Variants in TOPBP1 observed in about 807,000 individuals in gnomAD.
TOPBP1 encodes DNA topoisomerase II binding protein 1.
TOPBP1 carries 28 observed loss-of-function variants against 167.7 expected under a neutral mutation model. That is an observed-to-expected ratio of 0.17 (90% confidence interval 0.12 to 0.23). The LOEUF is 0.23. TOPBP1 is among the 10% of genes least tolerant of loss of function. The pLI is 1.00. For synonymous variants in TOPBP1, 598 were observed against 611.4 expected, an observed-to-expected ratio of 0.98 and a Z score of 0.32; for missense variants, 1,554 against 1,809.6, an observed-to-expected ratio of 0.86 and a Z score of 2.56.
At chr3:133,656,506 T>C (rs1312509384) in intron 5 of TOPBP1, among the ~76,000 whole-genome samples, 170 bp downstream of exon 5, 1 of 152,230 alleles carries the variant, frequency 6.6e-6, no homozygotes, top group Non-Finnish European at 1.5e-5. Context: ...TGTCAACTTA[T>C]ATCTTGGTAA....
intron 19 of TOPBP1, among the ~76,000 whole-genome samples, chr3:133,622,184 T>TG (rs992932635): frequency 8.5e-5 from 9 of 106,252 alleles, no homozygotes; most frequent in Non-Finnish European, 1.8e-4. Context: ...CCACCATTTA[T>TG]GTTTTTTTTT....
chr3:133,657,815 G>T lies in TOPBP1; in HGVS notation c.346C>A (p.Leu116Met). Residue 116 changes from leucine (L) to methionine (M), a missense_variant, in exon 4 of 28, where the codon CTG (leucine) becomes ATG (methionine). Leu to Met is a conservative substitution (Grantham distance 15). Coordinates refer to ENST00000260810, the MANE Select transcript of TOPBP1 (RefSeq NM_007027.4). ...MSDVTISCTS[L>M]EKEKREEVHK... is the part of the protein sequence containing the mutation. ...ATATCTACCCTTTTTTCTTTTTCCA[G>T]ACTTGTACAAGATATGGTTACATCA... is the stretch of plus-strand genomic sequence containing the variant. 3.2e-6 allele frequency: 5 copies of T among 1,540,188 alleles called. No homozygotes were observed. The highest frequency in any genetic ancestry group is 2.3e-5 in the Admixed American group (1 of 43,630).
rs1256878349 is a variant in TOPBP1 at position 133,640,095 on chromosome 3, T to C, written c.2097A>G (p.Glu699=). ...CAGCTTCATATTTAGAGCCACCACGTTCTTTCAGTATAAGATGAGTACTGG... is the reference window on the plus strand; with the variant it reads ...CAGCTTCATATTTAGAGCCACCACGCTCTTTCAGTATAAGATGAGTACTGG... The part of the protein sequence containing the change: ...MFASTHLILK[E]RGGSKYEAAK... Residue 699 remains glutamate, a synonymous_variant, in exon 13 of 28, where the codon GAA becomes GAG. Coordinates refer to ENST00000260810, the MANE Select transcript of TOPBP1 (RefSeq NM_007027.4). 6.2e-7 allele frequency: 1 copy of C among 1,613,882 alleles called. No individual in the cohort carries two copies. Among genetic ancestry groups the C allele is most frequent in the Non-Finnish European group, 8.5e-7 (1 of 1,179,852 alleles).
At chr3:133,622,197 T>TG (rs1307647336) in intron 19 of TOPBP1, among the ~76,000 whole-genome samples, 1 of 148,746 alleles carries the variant, frequency 6.7e-6, no homozygotes, top group Non-Finnish European at 1.5e-5. Context: ...TTTTTTTTTT[T>TG]TTTTTTTTTG....
Position 133,608,611 on chromosome 3 carries a change from C to G in TOPBP1, c.4349G>C (p.Gly1450Ala), listed in dbSNP as rs535304197. 25 of 1,613,702 alleles carry G rather than the reference C, an allele frequency of 1.5e-5. No homozygotes were observed. The highest frequency in any genetic ancestry group is 2.1e-5 in the Non-Finnish European group (25 of 1,179,818). Residue 1450 changes from glycine to alanine, a missense_variant, in exon 27 of 28, where the codon GGA (glycine) becomes GCA (alanine). Gly to Ala is a moderately conservative substitution (Grantham distance 60). Transcript: ENST00000260810. ...DLNKLKPDDSGVNIAEAAAQN... is the reference protein window; with the variant it reads ...DLNKLKPDDSAVNIAEAAAQN... Reference sequence around the variant, plus strand: ...GGCAGCAGCTTCTGCTATATTAACTCCTGAGTCATCTGGTTTCAGTTTATT... The same window carrying G: ...GGCAGCAGCTTCTGCTATATTAACTGCTGAGTCATCTGGTTTCAGTTTATT...
intron 12 of TOPBP1, among the ~76,000 whole-genome samples, chr3:133,642,976 A>C (rs1935946201): frequency 6.6e-6 from 1 of 152,014 alleles, no homozygotes; most frequent in Non-Finnish European, 1.5e-5. Context: ...GACCCACTGC[A>C]GTTATTACCT....
rs1363471540 is a variant in TOPBP1, at chr3:133,624,045, T to A, written c.2928+7A>T. 1 of 1,609,388 alleles carries A rather than the reference T, an allele frequency of 6.2e-7. No individual in the cohort carries two copies. The highest frequency in any genetic ancestry group is 1.1e-5 in the South Asian group (1 of 89,816). ...ACAGAGATGGGGGGGAAAAAAGCAC[T>A]GCTTACATCTAAAAGCCAGTGCTCG... On this transcript the variant is annotated splice_region_variant and intron_variant, in intron 17 of 27. Transcript: ENST00000260810.
intron 8 of TOPBP1, among the ~76,000 whole-genome samples, chr3:133,651,190 TTTTTTTA>T (rs1371162003): frequency 1.4e-5 from 2 of 146,028 alleles, no homozygotes; most frequent in Non-Finnish European, 3.0e-5. Flanking sequence ...TTTTTTTTTT[TTTTTTTA>T]AATTTTGAGA....
At chr3:133,656,952 T>A (rs931821728) in intron 4 of TOPBP1, 95 bp from the exon 5 acceptor site, 146 of 1,125,642 alleles carry the variant, frequency 1.3e-4, no homozygotes, top group Non-Finnish European at 1.7e-4. Flanking sequence ...CTGTTGACAG[T>A]TTGAATACAT....
intron 14 of TOPBP1, among the ~76,000 whole-genome samples, chr3:133,630,176 A>G (rs893228946): frequency 1.3e-5 from 2 of 151,836 alleles, no homozygotes; most frequent in East Asian, 1.9e-4. Context: ...TTTTTTTAAT[A>G]TATTCGCTTG....
chr3:133,635,605 G>C (rs1479618818), intron 14 of TOPBP1, among the ~76,000 whole-genome samples: 1 of 152,096 alleles, frequency 6.6e-6, no homozygotes, highest in African/African-American at 2.4e-5. Flanking sequence ...AAATTATTTT[G>C]AAGTAAAAAG....
chr3:133,647,346 C>G (rs1936111426), intron 10 of TOPBP1, among the ~76,000 whole-genome samples: 1 of 152,170 alleles, frequency 6.6e-6, no homozygotes, highest in Non-Finnish European at 1.5e-5. Context: ...AACTCCTAGG[C>G]ACCTAGCAGA....
At chr3:133,622,735 T>C (rs903976116) in intron 19 of TOPBP1, among the ~76,000 whole-genome samples, 1 of 152,128 alleles carries the variant, frequency 6.6e-6, no homozygotes, top group African/African-American at 2.4e-5. Flanking sequence ...GACTAGATTT[T>C]TAAAAAATCA....
chr3:133,658,115 T>G (rs543666139), intron 3 of TOPBP1, among the ~76,000 whole-genome samples, 174 bp from the exon 4 acceptor site: 3 of 152,196 alleles, frequency 2.0e-5, no homozygotes, highest in Non-Finnish European at 4.4e-5. Flanking sequence ...TCAGAGATAC[T>G]ATACATTAAA....
Position 133,655,491 on chromosome 3 carries a change from G to A in TOPBP1, c.546-5C>T. The A allele has an allele frequency of 7.1e-7, 1 of 1,415,040 alleles. No individual in the cohort carries two copies. The highest frequency in any genetic ancestry group is 9.4e-7 in the Non-Finnish European group (1 of 1,067,850). 87.7% of individuals were successfully genotyped at this position (1,415,040 alleles called of 1,614,324 possible). On this transcript the variant is annotated splice_polypyrimidine_tract_variant and splice_region_variant and intron_variant, in intron 5 of 27. Transcript: ENST00000260810. ...TCAGTATATCTAGTTATTTTTCTGTGGGAATCAAATGGTTAAAAAAGAACA... is the reference window on the plus strand; with the variant it reads ...TCAGTATATCTAGTTATTTTTCTGTAGGAATCAAATGGTTAAAAAAGAACA...
rs771249019 is a variant in TOPBP1 at position 133,653,514 on chromosome 3, A to G, written c.753T>C (p.Tyr251=). ...GTACATTCCATCTCTTGGCACACTC[A>G]TACTTCTGACCTGTGGCGTTCATTA... ...LIVQEPKGQK[Y]ECAKRWNVHC... The change falls in exon 7 of 28, where the codon TAT becomes TAC. Residue 251 remains tyrosine, a synonymous_variant. Coordinates refer to ENST00000260810, the MANE Select transcript of TOPBP1 (RefSeq NM_007027.4). 2 of 1,586,504 alleles carry G rather than the reference A, an allele frequency of 1.3e-6. No homozygotes were observed. Among genetic ancestry groups the G allele is most frequent in the Non-Finnish European group, 1.7e-6 (2 of 1,169,640 alleles).
chr3:133,610,229 T>C (rs1195924584), intron 25 of TOPBP1, among the ~76,000 whole-genome samples: 1 of 152,166 alleles, frequency 6.6e-6, no homozygotes, highest in Non-Finnish European at 1.5e-5. Flanking sequence ...AGAAAGGACA[T>C]GCTGATTTCT....
chr3:133,632,613 A>G (rs1287468852), intron 14 of TOPBP1, among the ~76,000 whole-genome samples: 2 of 152,282 alleles, frequency 1.3e-5, no homozygotes, highest in Non-Finnish European at 1.5e-5. Flanking sequence ...AGAAGCTCCC[A>G]TACCACATCT....
chr3:133,640,129 C>T lies in TOPBP1; in HGVS notation c.2063G>A (p.Gly688Asp). 3 of 1,613,688 alleles carry T rather than the reference C, an allele frequency of 1.9e-6. No individual in the cohort carries two copies. Among genetic ancestry groups the T allele is most frequent in the South Asian group, 2.2e-5 (2 of 91,066 alleles). ...YFVRKSNAKKGMFASTHLILK... is the reference protein window; with the variant it reads ...YFVRKSNAKKDMFASTHLILK... ...TATAAGATGAGTACTGGCAAACATG[C>T]CTTTCTTTGCATTGGATTTGCGAAC... The change falls in exon 13 of 28, where the codon GGC (glycine) becomes GAC (aspartate). Residue 688 changes from glycine to aspartate, a missense_variant. By Grantham distance (94) the Gly-to-Asp change is moderately conservative (BLOSUM62 -1). This residue lies in a region of TOPBP1 where 1,197 missense variants were observed against 1,351.5 expected (regional missense o/e 0.89). Transcript: ENST00000260810.
Sources: allele counts gnomAD v4.1 joint callset (sites outside exome capture counted in the v4.1 genomes callset), GRCh38; gene constraint gnomAD v4.1.1; regional missense constraint gnomAD v4.1.1; transcripts MANE v1.5; gene names NCBI Gene and HGNC (gene_info 2026-07-23, HGNC 2026-07-21).